Variants in DNMT3A observed in about 807,000 individuals in gnomAD.
The protein encoded by DNMT3A is DNA methyltransferase 3 alpha.
In DNMT3A, 267 loss-of-function variants were observed where a neutral mutation model predicts 117.6. That is an observed-to-expected ratio of 2.27 (90% CI 2.05 to 2.51). The LOEUF is 2.51. Ranked by LOEUF, DNMT3A falls within the 30% of genes most tolerant of loss-of-function variation. DNMT3A has a pLI of 0.00. For synonymous variants in DNMT3A, 432 were observed against 474.8 expected, an observed-to-expected ratio of 0.91 and a Z score of 1.17; for missense variants, 1,029 against 1,260.2, an observed-to-expected ratio of 0.82 and a Z score of 2.78.
intron 2 of DNMT3A, among the ~76,000 whole-genome samples, chr2:25,313,130 C>T (rs72810081): frequency 0.052 from 7,894 of 152,212 alleles, 246 homozygotes; most frequent in Middle Eastern, 0.085. Flanking sequence ...GCAGCTTTTC[C>T]TATCATGGGG....
In DNMT3A at chr2:25,252,429, G is replaced by C; in HGVS notation, c.640-4177C>G. The C allele has an allele frequency of 2.3e-6, 1 of 438,806 alleles. No individual in the cohort carries two copies. The highest frequency in any genetic ancestry group is 4.0e-6 in the Non-Finnish European group (1 of 251,722). The allele number at this position is 438,806 out of a possible 1,614,324, so 27.2% of individuals were successfully genotyped here. Reference sequence around the variant, plus strand: ...GGCCTGGTTGGCTGCGAGCGGCCCGGGGAGGGGGCCGGCGCTCCGACGCTG... The same window carrying C: ...GGCCTGGTTGGCTGCGAGCGGCCCGCGGAGGGGGCCGGCGCTCCGACGCTG... On this transcript the variant is annotated intron_variant, in intron 6 of 22. Transcript: ENST00000321117. The surrounding 1 kb of genome is among the most constrained non-coding windows in gnomAD (Gnocchi z 5.5).
chr2:25,230,737 C>G lies in DNMT3A; in HGVS notation c.*3542G>C, dbSNP rs911824399. On this transcript the variant is annotated 3_prime_UTR_variant, in exon 23 of 23. Transcript: ENST00000321117. ...TCCTAAATTCTACTGTGAGACCAAG[C>G]ACACAGGCTGGGCCGGAAGAAAAGC... 3 of 139,534 alleles carry G rather than the reference C, an allele frequency of 2.2e-5. No individual in the cohort carries two copies. The highest frequency in any genetic ancestry group is 3.0e-5 in the Non-Finnish European group (2 of 67,214). 8.6% of individuals were successfully genotyped at this position (139,534 alleles called of 1,614,324 possible). A position where few individuals can be genotyped will look rare whatever the true frequency, so the allele number is the denominator to read the frequency against.
Position 25,285,869 on chromosome 2 carries a change from T to C in DNMT3A, c.178-3158A>G, listed in dbSNP as rs1337808539. ...CCCCAGCAGCCTGAAAAGTGGAGTG[T>C]ACCCCTGCACTGCAGCCACCTTCTG... On this transcript the variant is annotated intron_variant, in intron 3 of 22. Coordinates refer to ENST00000321117, the MANE Select transcript of DNMT3A (RefSeq NM_022552.5). Among the ~76,000 whole-genome samples, 8 of 152,298 alleles carry C rather than the reference T, an allele frequency of 5.3e-5. No homozygotes were observed. The East Asian group carries it at 1.3e-3, about 26-fold the overall frequency.
chr2:25,270,063 GCTC>G (rs960918132), intron 6 of DNMT3A, among the ~76,000 whole-genome samples: 7 of 152,176 alleles, frequency 4.6e-5, no homozygotes, highest in Non-Finnish European at 1.0e-4. Context: ...TCTGGTGGCA[GCTC>G]CTCCTTCTGG....
Position 25,254,134 on chromosome 2 carries a change from G to A in DNMT3A, c.640-5882C>T, listed in dbSNP as rs1055132751. ...TTTCCACCACCATGACCTTAAACAA[G>A]TCACTTAACCCCCAAGAAATCTGTT... On this transcript the variant is annotated intron_variant, in intron 6 of 22. Transcript: ENST00000321117. The surrounding 1 kb of genome is among the most constrained non-coding windows in gnomAD (Gnocchi z 4.7). Among the ~76,000 whole-genome samples, 2 of 150,400 alleles carry A rather than the reference G, an allele frequency of 1.3e-5. No individual in the cohort carries two copies. Among genetic ancestry groups the A allele is most frequent in the African/African-American group, 4.9e-5 (2 of 40,844 alleles).
chr2:25,338,057 C>T (rs2035276913), intron 1 of DNMT3A, among the ~76,000 whole-genome samples: 1 of 152,170 alleles, frequency 6.6e-6, no homozygotes, highest in South Asian at 2.1e-4. Flanking sequence ...ACTCAACTCC[C>T]AGTGGGGCAC....
chr2:25,305,009 T>C lies in DNMT3A; in HGVS notation c.73-4766A>G, dbSNP rs909604208. On this transcript the variant is annotated intron_variant, in intron 2 of 22. Coordinates refer to ENST00000321117, the MANE Select transcript of DNMT3A (RefSeq NM_022552.5). This position sits in a 1 kb window ranked among gnomAD's most constrained non-coding sequence, Gnocchi z 4.1. The stretch of plus-strand genomic sequence containing the variant: ...GAGGGAAGTGTGGGTGTCTGATTCA[T>C]GCTGGCATCCAGAATGCCTAGACGG... 2.0e-5 allele frequency among the ~76,000 whole-genome samples: 3 copies of C among 152,240 alleles called. No individual in the cohort carries two copies. Among genetic ancestry groups the C allele is most frequent in the African/African-American group, 7.2e-5 (3 of 41,456 alleles).
rs115505897 is a variant in DNMT3A at position 25,264,045 on chromosome 2, G to A, written c.639+10896C>T. On this transcript the variant is annotated intron_variant, in intron 6 of 22. Transcript: ENST00000321117. ...CTTCCTTAGTGTCTAGAAAATGTTGGAACATAGTAGACACCCAGACACACA... is the reference window on the plus strand; with the variant it reads ...CTTCCTTAGTGTCTAGAAAATGTTGAAACATAGTAGACACCCAGACACACA... Among the ~76,000 whole-genome samples the A allele has an allele frequency of 2.9e-3, 440 of 150,708 alleles. No homozygotes were observed. In the Middle Eastern group the frequency reaches 0.035, roughly 12 times the overall value.
At chr2:25,265,590 G>A (rs996410789) in intron 6 of DNMT3A, among the ~76,000 whole-genome samples, 2 of 152,206 alleles carry the variant, frequency 1.3e-5, no homozygotes, top group Non-Finnish European at 2.9e-5. Flanking sequence ...GGCTGAGGCA[G>A]GTGGATCACC....
intron 1 of DNMT3A, among the ~76,000 whole-genome samples, chr2:25,338,068 G>A (rs1347318227): frequency 1.3e-5 from 2 of 152,334 alleles, no homozygotes; most frequent in African/African-American, 4.8e-5. Context: ...AGTGGGGCAC[G>A]GGGTGGGGAG....
At chr2:25,263,414 C>T (rs1016525062) in intron 6 of DNMT3A, among the ~76,000 whole-genome samples, 2 of 152,104 alleles carry the variant, frequency 1.3e-5, no homozygotes, top group African/African-American at 4.8e-5. Context: ...CTCCACTTGA[C>T]AATGTGTGCC....
rs574320146 is a variant in DNMT3A at position 25,237,167 on chromosome 2, G to A, written c.2409-162C>T. ...CGTCATAACTCTCTTCAAACTCCCC[G>A]CAAACACACGAACACACACTGCAGC... On this transcript the variant is annotated intron_variant, in intron 20 of 22. Coordinates refer to ENST00000321117, the MANE Select transcript of DNMT3A (RefSeq NM_022552.5). The surrounding 1 kb of genome is among the most constrained non-coding windows in gnomAD (Gnocchi z 5.4). Among the ~76,000 whole-genome samples the A allele has an allele frequency of 1.2e-4, 18 of 152,126 alleles. No individual in the cohort carries two copies. In the South Asian group the frequency reaches 1.9e-3, roughly 16 times the overall value.
chr2:25,310,735 C>T (rs911759063), intron 2 of DNMT3A, among the ~76,000 whole-genome samples: 2 of 152,328 alleles, frequency 1.3e-5, no homozygotes, highest in Admixed American at 6.5e-5. Flanking sequence ...CGTGACCCTG[C>T]GCTCCAGGCT....
intron 21 of DNMT3A, 141 bp from the exon 22 acceptor site, chr2:25,235,966 G>C (rs1673316088): frequency 1.2e-5 from 9 of 745,110 alleles, no homozygotes; most frequent in Non-Finnish European, 1.6e-5. Flanking sequence ...GGCTCTGAGT[G>C]AGCAGAGTTC....
chr2:25,299,267 C>G (rs1373408566), intron 3 of DNMT3A, among the ~76,000 whole-genome samples: 1 of 152,226 alleles, frequency 6.6e-6, no homozygotes, highest in Non-Finnish European at 1.5e-5. Context: ...GGCACTGGTT[C>G]CCAGAAGCCT....
intron 16 of DNMT3A, among the ~76,000 whole-genome samples, chr2:25,243,041 T>C (rs1169598363): frequency 6.6e-6 from 1 of 152,178 alleles, no homozygotes; most frequent in Admixed American, 6.5e-5. Flanking sequence ...GTCTGGTGGC[T>C]CATGCCTGTA....
At position 25,305,059 on chromosome 2, in the gene DNMT3A, T is replaced by C. The variant is rs2033713960; in HGVS notation, c.73-4816A>G. 6.6e-6 allele frequency among the ~76,000 whole-genome samples: 1 copy of C among 152,200 alleles called. No individual in the cohort carries two copies. The highest frequency in any genetic ancestry group is 2.4e-5 in the African/African-American group (1 of 41,446). Reference sequence around the variant, plus strand: ...GATGCATTTAGTCCAAGGCAGGCACTTGATGAATGACTGTCACAGAGTAGG... The same window carrying C: ...GATGCATTTAGTCCAAGGCAGGCACCTGATGAATGACTGTCACAGAGTAGG... On this transcript the variant is annotated intron_variant, in intron 2 of 22. Transcript: ENST00000321117. The surrounding 1 kb of genome is among the most constrained non-coding windows in gnomAD (Gnocchi z 4.1).
At chr2:25,242,046 C>A (rs189552997) in intron 16 of DNMT3A, 180 of 315,748 alleles carry the variant, frequency 5.7e-4, no homozygotes, top group Non-Finnish European at 8.0e-4. Flanking sequence ...TTGGTCCTTC[C>A]ATACCCTCTT....
At position 25,244,561 on chromosome 2, in the gene DNMT3A, C is replaced by T; in HGVS notation, c.1646G>A (p.Cys549Tyr). The change falls in exon 14 of 23, where the codon TGC becomes TAC. Residue 549 changes from cysteine (C) to tyrosine (Y), a missense_variant. Physicochemically the swap from Cys to Tyr is radical, Grantham distance 194. Coordinates refer to ENST00000321117, the MANE Select transcript of DNMT3A (RefSeq NM_022552.5). ...TCACCTGCAGCAGTTGTTGTTTCCG[C>T]ACATGAGCACCTCACGGCCCCCACA... is the stretch of plus-strand genomic sequence containing the variant. ...ICCGGREVLM[C>Y]GNNNCCRCFC... 1 of 1,614,194 alleles carries T rather than the reference C, an allele frequency of 6.2e-7. No individual in the cohort carries two copies. Among genetic ancestry groups the T allele is most frequent in the Non-Finnish European group, 8.5e-7 (1 of 1,180,024 alleles).
Sources: allele counts gnomAD v4.1 joint callset (sites outside exome capture counted in the v4.1 genomes callset), GRCh38; gene constraint gnomAD v4.1.1; non-coding constraint Gnocchi (gnomAD v3.1); transcripts MANE v1.5; gene names NCBI Gene and HGNC (gene_info 2026-07-23, HGNC 2026-07-21).